The following BMP7 variants were observed in gnomAD, a reference collection of about 807,000 sequenced individuals.
The protein encoded by BMP7 is osteogenic protein 1.
BMP7 carries 12 observed loss-of-function variants against 41.2 expected under a neutral mutation model. That is an observed-to-expected ratio of 0.29 (90% CI 0.19 to 0.47). The LOEUF is 0.47. BMP7 is among the 20% of genes least tolerant of loss of function. The pLI is 0.99. For missense variants in BMP7, 467 were observed against 606.0 expected, an observed-to-expected ratio of 0.77 and a Z score of 2.41; for synonymous variants, 248 against 250.0, an observed-to-expected ratio of 0.99 and a Z score of 0.07.
chr20:57,223,731 C>T (rs180901924), intron 2 of BMP7, among the ~76,000 whole-genome samples: 78 of 152,338 alleles, frequency 5.1e-4, no homozygotes, highest in Non-Finnish European at 4.6e-4. Flanking sequence ...GTAAGCACCA[C>T]GCAACAAGAA....
At chr20:57,173,122 C>G in intron 6 of BMP7, 78 bp downstream of exon 6, 1 of 1,454,928 alleles carries the variant, frequency 6.9e-7, no homozygotes, top group Non-Finnish European at 9.6e-7. Flanking sequence ...CAGGCCCCAG[C>G]TTGGAGGCAG....
intron 4 of BMP7, among the ~76,000 whole-genome samples, chr20:57,180,906 A>G (rs1445810694): frequency 1.3e-5 from 2 of 152,082 alleles, no homozygotes; most frequent in African/African-American, 4.8e-5. Flanking sequence ...ATGAACATAA[A>G]TTTCAAGCTA....
intron 1 of BMP7, among the ~76,000 whole-genome samples, chr20:57,236,762 AT>A (rs1193194812): frequency 8.6e-6 from 1 of 115,812 alleles, no homozygotes; most frequent in Admixed American, 9.2e-5. Context: ...ACAGCCATGC[AT>A]AAAAAAAAAA....
Position 57,265,778 on chromosome 20 carries a change from G to T in BMP7, c.345C>A (p.Gly115=), listed in dbSNP as rs921311051. ...TATCTTGCAGGCTGGCCAGAGGGGG[G>T]CCCTGGGTACTGAAGACGGCCTTGT... is the stretch of plus-strand genomic sequence containing the variant. ...YPYKAVFSTQ[G]PPLASLQDSH... is the part of the protein sequence containing the mutation. The change falls in exon 1 of 7, where the codon GGC becomes GGA. Residue 115 remains glycine (G), a synonymous_variant. Coordinates refer to ENST00000395863, the MANE Select transcript of BMP7 (RefSeq NM_001719.3). The T allele has an allele frequency of 1.2e-6, 2 of 1,610,574 alleles. No individual in the cohort carries two copies. The highest frequency in any genetic ancestry group is 1.7e-6 in the Non-Finnish European group (2 of 1,178,692).
intron 3 of BMP7, 30 bp from the exon 4 acceptor site, chr20:57,183,949 G>T (rs376702156): frequency 2.0e-5 from 33 of 1,609,788 alleles, no homozygotes; most frequent in Non-Finnish European, 2.5e-5. Flanking sequence ...GTGCACAGAA[G>T]AGTAGTTACA....
At chr20:57,241,979 C>T (rs6070034) in intron 1 of BMP7, among the ~76,000 whole-genome samples, 5 of 152,098 alleles carry the variant, frequency 3.3e-5, no homozygotes, top group Non-Finnish European at 7.4e-5. Context: ...AAAAATGGGC[C>T]GCAAGCACAT....
At chr20:57,264,559 G>T (rs534807778) in intron 1 of BMP7, among the ~76,000 whole-genome samples, 1 of 152,174 alleles carries the variant, frequency 6.6e-6, no homozygotes, top group East Asian at 1.9e-4. Context: ...CCCCAGGCTC[G>T]CGTCGCCGGG....
intron 1 of BMP7, among the ~76,000 whole-genome samples, chr20:57,251,571 A>T (rs1038415105): frequency 5.9e-5 from 9 of 152,140 alleles, no homozygotes; most frequent in Admixed American, 4.6e-4. Context: ...AGCTCCAGTG[A>T]ACATGGAGGG....
chr20:57,181,153 C>T (rs1984070674), intron 4 of BMP7, among the ~76,000 whole-genome samples: 1 of 152,160 alleles, frequency 6.6e-6, no homozygotes, highest in South Asian at 2.1e-4. Context: ...AAGAAGGCTG[C>T]AACTCCTGAG....
rs1054586019 is a variant in BMP7 at position 57,232,416 on chromosome 20, GA to G, written c.419-3996del. Among the ~76,000 whole-genome samples the G allele has an allele frequency of 1.4e-3, 211 of 150,526 alleles. 1 individual carries two copies. Among genetic ancestry groups the G allele is most frequent in the African/African-American group, 4.8e-3 (197 of 41,098 alleles). ...ACACAGTGCACTTATGATTACATTT[GA>G]AAAAAAAAGTGCAATAGACCGAACA... is the stretch of plus-strand genomic sequence containing the variant. On this transcript the variant is annotated intron_variant, in intron 1 of 6. Coordinates refer to ENST00000395863, the MANE Select transcript of BMP7 (RefSeq NM_001719.3).
intron 2 of BMP7, among the ~76,000 whole-genome samples, chr20:57,206,996 A>G (rs1434974583): frequency 6.6e-6 from 1 of 152,234 alleles, no homozygotes; most frequent in African/African-American, 2.4e-5. Flanking sequence ...TCTGCAAATA[A>G]CAGCCACCAA....
chr20:57,263,673 T>C (rs2066162242), intron 1 of BMP7, among the ~76,000 whole-genome samples: 1 of 152,208 alleles, frequency 6.6e-6, no homozygotes, highest in African/African-American at 2.4e-5. Context: ...GAAGATGCTA[T>C]AAATCCCCCA....
At chr20:57,190,684 C>T (rs6099494) in intron 3 of BMP7, among the ~76,000 whole-genome samples, 8,731 of 152,156 alleles carry the variant, frequency 0.057, 326 homozygotes, top group African/African-American at 0.1. Context: ...CGCTCCTGCC[C>T]GCCCCTCCTC....
At chr20:57,234,822 C>T (rs456554) in intron 1 of BMP7, among the ~76,000 whole-genome samples, 57,262 of 152,094 alleles carry the variant, frequency 0.38, 14,151 homozygotes, top group African/African-American at 0.71. Context: ...CTTAGCAGGG[C>T]CTCATAAATC....
chr20:57,231,824 T>C (rs770027729), intron 1 of BMP7, among the ~76,000 whole-genome samples: 49 of 152,202 alleles, frequency 3.2e-4, no homozygotes, highest in Non-Finnish European at 5.9e-4. Flanking sequence ...CACTGGCAGA[T>C]ACGCAATCAG....
chr20:57,231,797 C>T lies in BMP7; in HGVS notation c.419-3376G>A, dbSNP rs187055725. Among the ~76,000 whole-genome samples, 3 of 152,346 alleles carry T rather than the reference C, an allele frequency of 2.0e-5. No individual in the cohort carries two copies. The East Asian group carries it at 5.8e-4, about 29-fold the overall frequency. ...CCCTGCTCCCAGTGCTGGATGAACC[C>T]AGCTTCAGAGCAGCCCCACTGGCAG... On this transcript the variant is annotated intron_variant, in intron 1 of 6. Coordinates refer to ENST00000395863, the MANE Select transcript of BMP7 (RefSeq NM_001719.3).
rs572038823 is a variant in BMP7 at position 57,243,552 on chromosome 20, G to A, written c.419-15131C>T. ...TTCAGGAATTTAACTCCTGACTTAC[G>A]GGTTTGAGGCCTGGGATGGGGGCTG... On this transcript the variant is annotated intron_variant, in intron 1 of 6. Coordinates refer to ENST00000395863, the MANE Select transcript of BMP7 (RefSeq NM_001719.3). 1.6e-4 allele frequency among the ~76,000 whole-genome samples: 24 copies of A among 152,254 alleles called. 1 individual carries two copies. In the South Asian group the frequency reaches 3.1e-3, roughly 20 times the overall value.
intron 2 of BMP7, among the ~76,000 whole-genome samples, chr20:57,218,031 A>G (rs1985074184): frequency 1.3e-5 from 2 of 152,256 alleles, no homozygotes; most frequent in African/African-American, 2.4e-5. Flanking sequence ...ATCAACAGAC[A>G]TCTGTATCCA....
intron 1 of BMP7, among the ~76,000 whole-genome samples, chr20:57,232,297 C>A (rs973311392): frequency 2.6e-5 from 4 of 152,130 alleles, no homozygotes; most frequent in Non-Finnish European, 5.9e-5. Flanking sequence ...CACAGGTGAG[C>A]CATTTGAGTC....
Sources: gnomAD v4.1 joint callset for allele counts (sites outside exome capture counted in the v4.1 genomes callset) on GRCh38, gnomAD v4.1.1 for gene constraint, MANE v1.5 for transcripts, NCBI Gene and HGNC (gene_info 2026-07-23, HGNC 2026-07-21) for gene names.